The following INTS3 variants were observed in gnomAD, a reference collection of about 807,000 sequenced individuals.
INTS3 encodes SOSS complex subunit A.
Under a neutral mutation model 146.3 loss-of-function variants are expected in INTS3, and 34 were observed. The observed-to-expected ratio is 0.23, with a 90% CI of 0.18 to 0.31. INTS3 has a LOEUF of 0.31. INTS3 is among the 10% of genes least tolerant of loss of function. The pLI is 1.00. For synonymous variants in INTS3, 475 were observed against 494.9 expected, an observed-to-expected ratio of 0.96 and a Z score of 0.53; for missense variants, 757 against 1,304.2, an observed-to-expected ratio of 0.58 and a Z score of 6.46.
chr1:153,749,477 A>G (rs1021007195), intron 6 of INTS3, among the ~76,000 whole-genome samples: 1 of 152,174 alleles, frequency 6.6e-6, no homozygotes, highest in Admixed American at 6.5e-5. Context: ...TGTCCATACT[A>G]TCTGTAGTTC....
At chr1:153,747,179 T>C in intron 4 of INTS3, 100 bp from the exon 5 acceptor site, 1 of 1,274,382 alleles carries the variant, frequency 7.8e-7, no homozygotes. Flanking sequence ...TATCATTGTG[T>C]GTCTAAATTG....
Position 153,764,691 on chromosome 1 carries a change from TC to T in INTS3, c.1930del (p.Leu644TrpfsTer5), listed in dbSNP as rs774914906. 1 of 1,606,944 alleles carries T rather than the reference TC, an allele frequency of 6.2e-7. No homozygotes were observed. Among genetic ancestry groups the T allele is most frequent in the South Asian group, 1.1e-5 (1 of 90,908 alleles). On this transcript the variant is annotated frameshift_variant and splice_region_variant, in exon 19 of 30. Transcript: ENST00000318967. LOFTEE classifies it high-confidence loss of function. ...TCAAATATAACCCTCTTCTTGTAGG[TC>T]CCTGGAGGAGTCTGTAGGAAAGCCT... ...EVLPEEITEE[S>X]LEESVGKPLY...
intron 14 of INTS3, 47 bp from the exon 15 acceptor site, chr1:153,762,681 G>A (rs1489560445): frequency 1.2e-6 from 2 of 1,609,212 alleles, no homozygotes; most frequent in Non-Finnish European, 1.7e-6. Flanking sequence ...GGGCATGTTA[G>A]AGGACCCAGG....
chr1:153,752,093 C>T (rs1671979589), intron 7 of INTS3, 186 bp from the exon 8 acceptor site: 4 of 648,578 alleles, frequency 6.2e-6, no homozygotes, highest in South Asian at 5.5e-5. Flanking sequence ...TATCAGTCCC[C>T]AGCTTCCAGC....
intron 1 of INTS3, among the ~76,000 whole-genome samples, chr1:153,740,232 T>C (rs1671476165): frequency 6.6e-6 from 1 of 152,176 alleles, no homozygotes; most frequent in Non-Finnish European, 1.5e-5. Context: ...CCCAGGTAGC[T>C]GGGATTACAG....
chr1:153,758,291 C>A (rs943691493), intron 10 of INTS3, among the ~76,000 whole-genome samples: 1 of 152,202 alleles, frequency 6.6e-6, no homozygotes, highest in African/African-American at 2.4e-5. Flanking sequence ...GTTCCTCCTC[C>A]CCCATTTGAC....
chr1:153,752,086 C>T, intron 7 of INTS3, 193 bp from the exon 8 acceptor site: 1 of 621,082 alleles, frequency 1.6e-6, no homozygotes, highest in South Asian at 1.9e-5. Context: ...TCCTTGATAT[C>T]AGTCCCCAGC....
At chr1:153,733,656 G>A (rs1332115190) in intron 1 of INTS3, among the ~76,000 whole-genome samples, 1 of 151,788 alleles carries the variant, frequency 6.6e-6, no homozygotes, top group Non-Finnish European at 1.5e-5. Flanking sequence ...CACCCAGGCT[G>A]GAGTGCAGTG....
chr1:153,740,927 G>C (rs977061990), intron 2 of INTS3, among the ~76,000 whole-genome samples, 193 bp downstream of exon 2: 3 of 152,096 alleles, frequency 2.0e-5, no homozygotes, highest in Admixed American at 6.6e-5. Context: ...GCATCTTTCA[G>C]TACAGCTTTT....
At chr1:153,751,629 T>G (rs533172583) in intron 7 of INTS3, among the ~76,000 whole-genome samples, 1 of 152,342 alleles carries the variant, frequency 6.6e-6, no homozygotes, top group East Asian at 1.9e-4. Flanking sequence ...TAAAAATTTT[T>G]TTTACTTTTT....
chr1:153,744,653 T>G (rs1171508965), intron 3 of INTS3, among the ~76,000 whole-genome samples: 1 of 152,212 alleles, frequency 6.6e-6, no homozygotes, highest in Non-Finnish European at 1.5e-5. Flanking sequence ...CAGAAGGAAG[T>G]GGCAATAGCT....
At chr1:153,735,426 G>C (rs1671249252) in intron 1 of INTS3, among the ~76,000 whole-genome samples, 2 of 152,188 alleles carry the variant, frequency 1.3e-5, no homozygotes, top group Admixed American at 6.5e-5. Context: ...GCCTAAGGCT[G>C]GCAAGTGTGG....
chr1:153,764,138 G>A lies in INTS3; in HGVS notation c.1842G>A (p.Gln614=). Residue 614 remains glutamine (Q), a synonymous_variant, in exon 18 of 30, where the codon CAG becomes CAA. Coordinates refer to ENST00000318967, the MANE Select transcript of INTS3 (RefSeq NM_023015.5). ...CCCAGGAAGACTTTGACTCGGAGCA[G>A]CTGTCTGTCCTTGCTTCCTGCCTAC... The part of the protein sequence containing the change: ...QVLEEDFDSE[Q]LSVLASCLQE... The A allele has an allele frequency of 6.2e-7, 1 of 1,614,024 alleles. No individual in the cohort carries two copies. Among genetic ancestry groups the A allele is most frequent in the Non-Finnish European group, 8.5e-7 (1 of 1,179,930 alleles).
intron 1 of INTS3, among the ~76,000 whole-genome samples, chr1:153,734,302 T>TGGGTAGAGAGGGATGA (rs1671204728): frequency 6.6e-6 from 1 of 152,212 alleles, no homozygotes; most frequent in African/African-American, 2.4e-5. Context: ...TCCTGTGGCT[T>TGGGTAGAGAGGGATGA]TCTTTGAAGG....
intron 1 of INTS3, among the ~76,000 whole-genome samples, chr1:153,737,691 G>A (rs578194765): frequency 6.6e-6 from 1 of 152,260 alleles, no homozygotes; most frequent in Non-Finnish European, 1.5e-5. Flanking sequence ...TAGAGACGGG[G>A]TTTTGCCATG....
chr1:153,748,428 T>C, intron 5 of INTS3: 1 of 503,318 alleles, frequency 2.0e-6, no homozygotes, highest in Non-Finnish European at 3.6e-6. Context: ...AGGGCCAAAA[T>C]GTTCCCACTC....
chr1:153,728,836 C>T, intron 1 of INTS3, 52 bp downstream of exon 1: 1 of 467,548 alleles, frequency 2.1e-6, no homozygotes, highest in South Asian at 3.1e-5. Flanking sequence ...TGGAGGGATA[C>T]TGGAGCGGAT....
intron 23 of INTS3, 73 bp downstream of exon 23, chr1:153,769,917 A>G (rs1298683303): frequency 1.8e-5 from 20 of 1,108,912 alleles, no homozygotes; most frequent in Non-Finnish European, 2.6e-5. Context: ...ATTTTACACT[A>G]TCAGGAAAGC....
intron 12 of INTS3, 24 bp from the exon 13 acceptor site, chr1:153,760,803 T>C (rs756659891): frequency 8.8e-6 from 14 of 1,586,308 alleles, no homozygotes; most frequent in Non-Finnish European, 1.2e-5. Flanking sequence ...TGTGCTCATT[T>C]TTCCCCTCCT....
Sources: allele counts gnomAD v4.1 joint callset (sites outside exome capture counted in the v4.1 genomes callset), GRCh38; gene constraint gnomAD v4.1.1; transcripts MANE v1.5; gene names NCBI Gene and HGNC (gene_info 2026-07-23, HGNC 2026-07-21).